RAVER2: variants seen among roughly 807,000 people sequenced by gnomAD.
RAVER2 encodes the protein ribonucleoprotein PTB-binding 2.
RAVER2 carries 46 observed loss-of-function variants against 78.1 expected under a neutral mutation model. The observed-to-expected ratio is 0.59, with a 90% CI of 0.46 to 0.75. The LOEUF (loss-of-function observed/expected upper bound fraction) is 0.75, where lower values mean the gene tolerates loss of function less well. Ranked by LOEUF, RAVER2 falls within the 30% of genes least tolerant of loss-of-function variation. RAVER2 has a pLI of 0.00. For synonymous variants in RAVER2, 311 were observed against 313.3 expected (o/e 0.99, Z 0.08); for missense variants, 793 against 837.5 (o/e 0.95, Z 0.66).
intron 1 of RAVER2, among the ~76,000 whole-genome samples, chr1:64,755,022 A>C (rs1651813481): frequency 6.6e-6 from 1 of 152,226 alleles, no homozygotes; most frequent in African/African-American, 2.4e-5. Flanking sequence ...CACAACTGAC[A>C]TTTTAGGTTC....
intron 11 of RAVER2, among the ~76,000 whole-genome samples, chr1:64,825,397 G>A (rs548889542): frequency 4.3e-4 from 66 of 152,298 alleles, no homozygotes; most frequent in African/African-American, 1.6e-3. Flanking sequence ...AAAAGGTGAA[G>A]TGGGGCTGAA....
exon 3 of RAVER2, chr1:64,777,723 A>G: frequency 6.2e-7 from 1 of 1,614,060 alleles, no homozygotes; most frequent in Non-Finnish European, 8.5e-7. Flanking sequence ...AGCTTCAGCC[A>G]ACAGATGCTT....
chr1:64,804,976 TTTC>T lies in RAVER2; in HGVS notation c.1297-9_1297-7del. The T allele has an allele frequency of 6.2e-7, 1 of 1,611,802 alleles. No homozygotes were observed. Among genetic ancestry groups the T allele is most frequent in the Non-Finnish European group, 8.5e-7 (1 of 1,178,522 alleles). On this transcript the variant is annotated splice_polypyrimidine_tract_variant and intron_variant, in intron 7 of 11. Coordinates refer to ENST00000294428, the Ensembl canonical transcript of RAVER2. Reference sequence around the variant, plus strand: ...CTTATGGCCATGGGTCTTACCTTTTTTTCTTCTTTTGTAGAAACCCGGCTTACT... The same window carrying T: ...CTTATGGCCATGGGTCTTACCTTTTTTTCTTTTGTAGAAACCCGGCTTACT...
intron 5 of RAVER2, among the ~76,000 whole-genome samples, chr1:64,800,851 A>G (rs1226421481): frequency 2.6e-5 from 4 of 152,112 alleles, no homozygotes; most frequent in Non-Finnish European, 5.9e-5. Flanking sequence ...TGATTATCTC[A>G]CTGATATCAT....
At chr1:64,806,568 A>G (rs1378520301) in intron 8 of RAVER2, among the ~76,000 whole-genome samples, 1 of 152,200 alleles carries the variant, frequency 6.6e-6, no homozygotes, top group Non-Finnish European at 1.5e-5. Flanking sequence ...TTTAACAACC[A>G]GCTCTCTAGG....
At chr1:64,817,987 T>C (rs1653794327) in intron 11 of RAVER2, among the ~76,000 whole-genome samples, 1 of 152,118 alleles carries the variant, frequency 6.6e-6, no homozygotes, top group Non-Finnish European at 1.5e-5. Context: ...TTCATACAAT[T>C]GGTAAGTGAT....
intron 5 of RAVER2, among the ~76,000 whole-genome samples, chr1:64,798,722 C>CT (rs963096990): frequency 2.6e-5 from 4 of 152,124 alleles, no homozygotes; most frequent in African/African-American, 9.7e-5. Flanking sequence ...CTTAAAAACT[C>CT]TATTTTTTGT....
chr1:64,830,884 T>C, exon 12 of RAVER2: 1 of 1,612,894 alleles, frequency 6.2e-7, no homozygotes, highest in Non-Finnish European at 8.5e-7. Flanking sequence ...ATATCTCATC[T>C]CTGCCCCAGA....
chr1:64,812,458 G>T (rs1653640969), intron 9 of RAVER2, among the ~76,000 whole-genome samples: 1 of 151,626 alleles, frequency 6.6e-6, no homozygotes, highest in South Asian at 2.1e-4. Flanking sequence ...ATGGAATTTG[G>T]TTTTTCTTGT....
chr1:64,826,359 A>G (rs1407971494), intron 11 of RAVER2, among the ~76,000 whole-genome samples: 4 of 152,250 alleles, frequency 2.6e-5, no homozygotes, highest in Non-Finnish European at 5.9e-5. Context: ...GGAAGGGTTC[A>G]TAGTAAAACT....
intron 1 of RAVER2, among the ~76,000 whole-genome samples, chr1:64,748,331 C>T (rs898704463): frequency 8.5e-5 from 13 of 152,198 alleles, no homozygotes; most frequent in African/African-American, 1.7e-4. Flanking sequence ...AACAACTTTT[C>T]GGTTTGTCAC....
At chr1:64,755,872 G>A (rs1026787785) in intron 1 of RAVER2, among the ~76,000 whole-genome samples, 1 of 151,370 alleles carries the variant, frequency 6.6e-6, no homozygotes, top group Non-Finnish European at 1.5e-5. Context: ...CGTAAAGAAT[G>A]TTTTCCCCCT....
At chr1:64,753,919 C>T (rs1651777543) in intron 1 of RAVER2, among the ~76,000 whole-genome samples, 1 of 152,108 alleles carries the variant, frequency 6.6e-6, no homozygotes, top group Non-Finnish European at 1.5e-5. Context: ...TCTCTGAATA[C>T]ACATCATTAC....
intron 1 of RAVER2, among the ~76,000 whole-genome samples, chr1:64,746,159 T>C (rs184499717): frequency 1.5e-3 from 223 of 152,266 alleles, no homozygotes; most frequent in South Asian, 2.3e-3. Context: ...ACTTTTTTTT[T>C]CCCCTGATTT....
chr1:64,785,229 G>A (rs1652744999), intron 4 of RAVER2, among the ~76,000 whole-genome samples: 1 of 152,088 alleles, frequency 6.6e-6, no homozygotes, highest in African/African-American at 2.4e-5. Context: ...GTTTTTTAAT[G>A]TCATAAATAG....
chr1:64,753,316 A>G (rs969263144), intron 1 of RAVER2, among the ~76,000 whole-genome samples: 3 of 152,008 alleles, frequency 2.0e-5, no homozygotes, highest in Non-Finnish European at 4.4e-5. Context: ...TGGCCTCCCA[A>G]ACTGTTGGGA....
intron 10 of RAVER2, among the ~76,000 whole-genome samples, chr1:64,814,092 T>G (rs767241962): frequency 3.3e-5 from 5 of 149,320 alleles, no homozygotes; most frequent in Non-Finnish European, 5.9e-5. Flanking sequence ...CCCAGCTAAT[T>G]TTGTGTGTGT....
intron 4 of RAVER2, among the ~76,000 whole-genome samples, chr1:64,785,697 G>C (rs1652761602): frequency 6.6e-6 from 1 of 151,848 alleles, no homozygotes; most frequent in Admixed American, 6.6e-5. Context: ...AACATGCATA[G>C]GTTTATCAGA....
At chr1:64,752,349 C>A (rs1307925835) in intron 1 of RAVER2, among the ~76,000 whole-genome samples, 3 of 152,218 alleles carry the variant, frequency 2.0e-5, no homozygotes, top group Admixed American at 6.5e-5. Context: ...GTGGCTCCCT[C>A]CATACCACCC....
Sources: gnomAD v4.1 joint callset for allele counts (sites outside exome capture counted in the v4.1 genomes callset) on GRCh38, gnomAD v4.1.1 for gene constraint, MANE v1.5 for transcripts, NCBI Gene and HGNC (gene_info 2026-07-23, HGNC 2026-07-21) for gene names.